The following LRP1B variants were observed in gnomAD, a reference collection of about 807,000 sequenced individuals.
The protein encoded by LRP1B is LDL receptor related protein 1B, also known as low-density lipoprotein receptor-related protein 1B.
Under a neutral mutation model 556.6 loss-of-function variants are expected in LRP1B, and 217 were observed. The ratio of observed to expected loss-of-function variants is 0.39; its 90% CI spans 0.35 to 0.44. The LOEUF is 0.44. Among genes scored for constraint, LRP1B ranks in the 20% least tolerant of loss-of-function variants. The pLI, the probability that LRP1B is intolerant of heterozygous loss-of-function variation, is 1.00. For synonymous variants in LRP1B, 2,047 were observed against 1,865.8 expected, an observed-to-expected ratio of 1.10 and a Z score of -2.50; for missense variants, 5,053 against 5,620.8, an observed-to-expected ratio of 0.90 and a Z score of 3.23.
rs1218884917 is a variant in LRP1B, at chr2:140,510,017, C to T, written c.8309G>A (p.Gly2770Asp). 1 of 1,613,896 alleles carries T rather than the reference C, an allele frequency of 6.2e-7. No individual in the cohort carries two copies. The highest frequency in any genetic ancestry group is 1.1e-5 in the South Asian group (1 of 91,066). Residue 2770 changes from glycine (G) to aspartate (D), a missense_variant, in exon 52 of 91, where the codon GGC becomes GAC. By Grantham distance (94) the Gly-to-Asp change is moderately conservative. Coordinates refer to ENST00000389484, the MANE Select transcript of LRP1B (RefSeq NM_018557.3). Reference protein sequence around the residue: ...TCAADMFSCQGSRACVPRHWL... With the variant: ...TCAADMFSCQDSRACVPRHWL... The stretch of plus-strand genomic sequence containing the variant: ...ATGTCGGGGCACGCAGGCACGAGAG[C>T]CCTGGCAGCTGAACATGTCAGCAGC...
chr2:140,357,376 A>G (rs547873619), intron 74 of LRP1B, among the ~76,000 whole-genome samples: 1 of 151,790 alleles, frequency 6.6e-6, no homozygotes, highest in South Asian at 2.1e-4. Context: ...AGATGCATAA[A>G]TTAAAAAAAA....
intron 9 of LRP1B, among the ~76,000 whole-genome samples, chr2:141,058,678 T>C (rs887906396): frequency 6.6e-6 from 1 of 151,878 alleles, no homozygotes; most frequent in South Asian, 2.1e-4. Context: ...AATTCTATCA[T>C]AGAAACGATT....
At chr2:141,567,206 C>T (rs1686363083) in intron 2 of LRP1B, among the ~76,000 whole-genome samples, 1 of 152,086 alleles carries the variant, frequency 6.6e-6, no homozygotes, top group African/African-American at 2.4e-5. Flanking sequence ...GGAAAGGAAA[C>T]TTATAAGACC....
intron 43 of LRP1B, among the ~76,000 whole-genome samples, chr2:140,568,274 T>C (rs968510301): frequency 1.3e-5 from 2 of 148,678 alleles, no homozygotes; most frequent in South Asian, 4.2e-4. Context: ...ATTAGAATTT[T>C]AATAAAAAGA....
intron 86 of LRP1B, among the ~76,000 whole-genome samples, chr2:140,254,572 G>C (rs1445481955): frequency 2.0e-5 from 3 of 151,916 alleles, no homozygotes; most frequent in African/African-American, 7.3e-5. Context: ...GTTTTGTTTT[G>C]AGATGGAGTC....
chr2:140,532,944 A>ATCTATATCTATATCTATATC (rs1433618941), intron 47 of LRP1B, among the ~76,000 whole-genome samples: 1 of 119,796 alleles, frequency 8.3e-6, no homozygotes, highest in Non-Finnish European at 1.9e-5. Context: ...ATATATATAT[A>ATCTATATCTATATCTATATC]TATACACATA....
At chr2:141,598,563 G>A (rs896899923) in intron 2 of LRP1B, among the ~76,000 whole-genome samples, 10 of 152,064 alleles carry the variant, frequency 6.6e-5, no homozygotes, top group African/African-American at 1.7e-4. Flanking sequence ...TGTTTAGTAC[G>A]TCTTCCATCT....
chr2:140,881,976 A>C (rs2105183201), intron 25 of LRP1B, among the ~76,000 whole-genome samples: 1 of 152,322 alleles, frequency 6.6e-6, no homozygotes, highest in South Asian at 2.1e-4. Flanking sequence ...AGGAAGCATC[A>C]ACTGCAAAAT....
At position 140,682,775 on chromosome 2, in the gene LRP1B, A is replaced by G. The variant is rs149689344; in HGVS notation, c.6799+17475T>C. Among the ~76,000 whole-genome samples the G allele has an allele frequency of 5.9e-4, 90 of 152,150 alleles. 3 individuals carry two copies. Among genetic ancestry groups the G allele is most frequent in the African/African-American group, 1.9e-3 (79 of 41,516 alleles). On this transcript the variant is annotated intron_variant, in intron 41 of 90. Coordinates refer to ENST00000389484, the MANE Select transcript of LRP1B (RefSeq NM_018557.3). The stretch of plus-strand genomic sequence containing the variant: ...CATGTGAACCAAGTGAAATATAAGC[A>G]AGGAAACAGTACACTCAATGTTTAA...
chr2:140,398,531 G>GTTGTTGTTGTTGTTGTTT (rs71408456), intron 66 of LRP1B, among the ~76,000 whole-genome samples: 1 of 151,726 alleles, frequency 6.6e-6, no homozygotes, highest in Non-Finnish European at 1.5e-5. Context: ...TGTTGTTGTT[G>GTTGTTGTTGTTGTTGTTT]TTGTTTTTGT....
At chr2:141,750,453 G>C in intron 2 of LRP1B, among the ~76,000 whole-genome samples, 1 of 151,898 alleles carries the variant, frequency 6.6e-6, no homozygotes, top group Middle Eastern at 3.4e-3. Flanking sequence ...AAACCAAAAG[G>C]AAAAGAAAAG....
At chr2:140,559,723 A>C (rs994582916) in intron 43 of LRP1B, among the ~76,000 whole-genome samples, 1 of 151,678 alleles carries the variant, frequency 6.6e-6, no homozygotes. Context: ...GAATAAATAA[A>C]ATAAATTTCC....
intron 2 of LRP1B, among the ~76,000 whole-genome samples, chr2:141,732,836 A>G (rs1006418530): frequency 7.2e-5 from 11 of 152,158 alleles, no homozygotes; most frequent in African/African-American, 2.7e-4. Context: ...AACTTGATTG[A>G]CTACGGAAGT....
At chr2:140,671,327 T>C (rs1389436059) in intron 41 of LRP1B, among the ~76,000 whole-genome samples, 3 of 152,186 alleles carry the variant, frequency 2.0e-5, no homozygotes, top group Admixed American at 1.3e-4. Flanking sequence ...GAGACCATCC[T>C]GGCTAACACG....
rs146273152 is a variant in LRP1B at position 142,001,003 on chromosome 2, A to G, written c.82+129645T>C. 3.4e-3 allele frequency among the ~76,000 whole-genome samples: 518 copies of G among 152,244 alleles called. 9 individuals are homozygous for G. The highest frequency in any genetic ancestry group is 0.027 in the Admixed American group (416 of 15,284). ...GGGTGGTTTCCCCCATACTGTTCTC[A>G]TGGTAGTTAGTAAGTTTCATGAAAT... On this transcript the variant is annotated intron_variant, in intron 1 of 90. Coordinates refer to ENST00000389484, the MANE Select transcript of LRP1B (RefSeq NM_018557.3).
At chr2:140,430,585 C>T (rs13035269) in intron 66 of LRP1B, among the ~76,000 whole-genome samples, 2 of 152,166 alleles carry the variant, frequency 1.3e-5, no homozygotes, top group African/African-American at 2.4e-5. Context: ...TCCTTCACAT[C>T]GGTCACTCCC....
chr2:140,801,511 A>G (rs1459545887), intron 32 of LRP1B, among the ~76,000 whole-genome samples: 1 of 152,156 alleles, frequency 6.6e-6, no homozygotes, highest in East Asian at 1.9e-4. Flanking sequence ...CTTATGGTAA[A>G]ACAGTACTTG....
At chr2:141,924,770 A>G (rs536997637) in intron 1 of LRP1B, among the ~76,000 whole-genome samples, 326 of 152,308 alleles carry the variant, frequency 2.1e-3, no homozygotes, top group Non-Finnish European at 3.8e-3. Context: ...TCATGTGGGA[A>G]TTCCATGACA....
intron 2 of LRP1B, among the ~76,000 whole-genome samples, chr2:141,532,220 G>GA (rs1684909508): frequency 6.6e-6 from 1 of 151,766 alleles, no homozygotes; most frequent in South Asian, 2.1e-4. Flanking sequence ...GTTCAGAAAT[G>GA]AAAAACAGTT....
Sources: gnomAD v4.1 joint callset for allele counts (sites outside exome capture counted in the v4.1 genomes callset) on GRCh38, gnomAD v4.1.1 for gene constraint, MANE v1.5 for transcripts, NCBI Gene and HGNC (gene_info 2026-07-23, HGNC 2026-07-21) for gene names.